The following ERO1A variants were observed in gnomAD, a reference collection of about 807,000 sequenced individuals.
The protein encoded by ERO1A is ERO1-like protein alpha.
ERO1A carries 49 observed loss-of-function variants against 76.9 expected under a neutral mutation model. The ratio of observed to expected loss-of-function variants is 0.64; its 90% confidence interval spans 0.51 to 0.81. The LOEUF (loss-of-function observed/expected upper bound fraction) is 0.81, where lower values mean the gene tolerates loss of function less well. ERO1A is among the 30% of genes least tolerant of loss of function. ERO1A has a pLI of 0.00. For missense variants in ERO1A, 448 were observed against 542.1 expected (o/e 0.83, Z 1.72); for synonymous variants, 174 against 181.2 (o/e 0.96, Z 0.32).
rs143802189 is a variant in ERO1A at position 52,652,800 on chromosome 14, C to G, written c.1055+269G>C. Among the ~76,000 whole-genome samples, 583 of 152,194 alleles carry G rather than the reference C, an allele frequency of 3.8e-3. 11 individuals are homozygous for G. In the East Asian group the frequency reaches 0.073, roughly 19 times the overall value. On this transcript the variant is annotated intron_variant, in intron 12 of 15. Coordinates refer to ENST00000395686, the MANE Select transcript of ERO1A (RefSeq NM_014584.3). ...ATCACTTAAGCCCAGGAGTTCGAGACCAGCCTGGACAACATGGCAAAACCC... is the reference window on the plus strand; with the variant it reads ...ATCACTTAAGCCCAGGAGTTCGAGAGCAGCCTGGACAACATGGCAAAACCC...
intron 6 of ERO1A, among the ~76,000 whole-genome samples, chr14:52,670,752 T>G (rs1386219721): frequency 6.6e-6 from 1 of 152,240 alleles, no homozygotes; most frequent in Non-Finnish European, 1.5e-5. Flanking sequence ...TTATACAAAA[T>G]GTATATACAA....
chr14:52,692,240 A>G (rs1415121165), intron 1 of ERO1A, among the ~76,000 whole-genome samples: 4 of 152,360 alleles, frequency 2.6e-5, no homozygotes, highest in Middle Eastern at 3.4e-3. Context: ...TCTCCCAAAA[A>G]TTGTTCACAG....
chr14:52,679,158 G>T (rs1299358805), intron 3 of ERO1A, among the ~76,000 whole-genome samples: 4 of 152,102 alleles, frequency 2.6e-5, no homozygotes, highest in Non-Finnish European at 5.9e-5. Flanking sequence ...TCCCCCTGCA[G>T]AACTGTGAGC....
chr14:52,641,696 GTATT>G lies in ERO1A; in HGVS notation c.*1870_*1873del, dbSNP rs1167391147. The G allele has an allele frequency of 3.3e-5, 5 of 152,186 alleles. No individual in the cohort carries two copies. Among genetic ancestry groups the G allele is most frequent in the Admixed American group, 6.5e-5 (1 of 15,278 alleles). 9.4% of individuals were successfully genotyped at this position (152,186 alleles called of 1,614,324 possible). A position where few individuals can be genotyped will look rare whatever the true frequency, so the allele number is the denominator to read the frequency against. On this transcript the variant is annotated 3_prime_UTR_variant, in exon 16 of 16. Coordinates refer to ENST00000395686, the MANE Select transcript of ERO1A (RefSeq NM_014584.3). ...AAAAATGGCCATTTGAACCCACACT[GTATT>G]TATATTTTATATAGAGTGATCACTT...
intron 1 of ERO1A, among the ~76,000 whole-genome samples, chr14:52,689,233 C>A (rs1350087178): frequency 6.6e-6 from 1 of 152,204 alleles, no homozygotes; most frequent in East Asian, 1.9e-4. Flanking sequence ...GGATTACAGG[C>A]ATGAGCCACT....
intron 4 of ERO1A, among the ~76,000 whole-genome samples, chr14:52,672,774 AC>A: frequency 6.6e-5 from 9 of 137,170 alleles, no homozygotes; most frequent in Admixed American, 5.9e-4. Flanking sequence ...CCTGTCTCTG[AC>A]CAAAAAAAAA....
intron 11 of ERO1A, among the ~76,000 whole-genome samples, chr14:52,656,863 C>T (rs544906651): frequency 7.6e-4 from 116 of 152,220 alleles, no homozygotes; most frequent in Non-Finnish European, 1.4e-3. Flanking sequence ...GAGTTCAAGA[C>T]CAGCCTGGGC....
At position 52,695,400 on chromosome 14, in the gene ERO1A, G is replaced by A; in HGVS notation, c.82C>T (p.Pro28Ser). 6.5e-7 allele frequency: 1 copy of A among 1,538,212 alleles called. No homozygotes were observed. Among genetic ancestry groups the A allele is most frequent in the African/African-American group, 1.4e-5 (1 of 71,378 alleles). ...AAGCACCTCTGTGCCGCTGTCTCCG[G>A]GGGCTGCTCCTCTCCGTGGCCCGAG... ...LSSGHGEEQP[P>S]ETAAQRCFCQ... The change falls in exon 1 of 16, where the codon CCG becomes TCG. Residue 28 changes from proline (P) to serine (S), a missense_variant. Coordinates refer to ENST00000395686, the MANE Select transcript of ERO1A (RefSeq NM_014584.3).
At chr14:52,683,939 A>T in intron 1 of ERO1A, 32 bp from the exon 2 acceptor site, 1 of 1,523,882 alleles carries the variant, frequency 6.6e-7, no homozygotes, top group Non-Finnish European at 8.8e-7. Context: ...ATTAAATTGA[A>T]ATGTCCTAAA....
intron 10 of ERO1A, 52 bp downstream of exon 10, chr14:52,658,072 A>T: frequency 6.7e-7 from 1 of 1,499,734 alleles, no homozygotes. Context: ...CATAAAATTA[A>T]TCTCATGAGA....
intron 4 of ERO1A, among the ~76,000 whole-genome samples, chr14:52,672,783 AAAAAAAAAAAC>A (rs2040649010): frequency 6.0e-5 from 9 of 150,672 alleles, no homozygotes; most frequent in Admixed American, 4.6e-4. Context: ...GACCAAAAAA[AAAAAAAAAAAC>A]AAAAAACAAA....
chr14:52,661,352 C>A (rs781229114), intron 8 of ERO1A, 48 bp from the exon 9 acceptor site: 2 of 1,403,100 alleles, frequency 1.4e-6, no homozygotes, highest in Non-Finnish European at 1.9e-6. Flanking sequence ...CTTCCAGTGC[C>A]CCTTTTATAA....
At chr14:52,689,498 C>G (rs778027629) in intron 1 of ERO1A, among the ~76,000 whole-genome samples, 1 of 151,346 alleles carries the variant, frequency 6.6e-6, no homozygotes, top group Non-Finnish European at 1.5e-5. Context: ...TAACAATGAA[C>G]TATCCAAAAA....
At chr14:52,669,545 C>A (rs910122821) in intron 6 of ERO1A, among the ~76,000 whole-genome samples, 15 of 152,110 alleles carry the variant, frequency 9.9e-5, no homozygotes, top group Admixed American at 9.8e-4. Flanking sequence ...CGTGTCTCGG[C>A]TGGAATGAAC....
At chr14:52,673,066 C>G (rs181655939) in intron 4 of ERO1A, among the ~76,000 whole-genome samples, 1 of 151,698 alleles carries the variant, frequency 6.6e-6, no homozygotes, top group East Asian at 1.9e-4. Context: ...ATTTAAAGGC[C>G]TTTGTTTACA....
chr14:52,665,308 A>AC (rs1278330288), intron 7 of ERO1A, among the ~76,000 whole-genome samples: 8 of 151,840 alleles, frequency 5.3e-5, no homozygotes, highest in Middle Eastern at 3.2e-3. Flanking sequence ...AAAAAAAAAA[A>AC]AAAAAACCTT....
chr14:52,676,146 T>C (rs2040776216), intron 4 of ERO1A, among the ~76,000 whole-genome samples: 1 of 152,256 alleles, frequency 6.6e-6, no homozygotes, highest in Non-Finnish European at 1.5e-5. Context: ...TTACATATCA[T>C]GATGAACTAT....
intron 13 of ERO1A, among the ~76,000 whole-genome samples, chr14:52,651,274 T>G (rs904626205): frequency 2.0e-5 from 3 of 151,942 alleles, no homozygotes; most frequent in Non-Finnish European, 2.9e-5. Context: ...GGTGACAGAG[T>G]GAGATCCCTT....
intron 8 of ERO1A, among the ~76,000 whole-genome samples, chr14:52,662,847 GAGATAAAAC>G (rs1444343113): frequency 6.6e-6 from 1 of 152,132 alleles, no homozygotes; most frequent in African/African-American, 2.4e-5. Context: ...TCTATATAGA[GAGATAAAAC>G]AGATAAATGC....
Sources: allele counts gnomAD v4.1 joint callset (sites outside exome capture counted in the v4.1 genomes callset), GRCh38; gene constraint gnomAD v4.1.1; transcripts MANE v1.5; gene names NCBI Gene and HGNC (gene_info 2026-07-23, HGNC 2026-07-21).